Variants in PHF21A observed in about 807,000 individuals in gnomAD.
The protein encoded by PHF21A is PHD finger protein 21A.
Under a neutral mutation model 82.5 loss-of-function variants are expected in PHF21A, and 11 were observed. That is an observed-to-expected ratio of 0.13 (90% CI 0.08 to 0.22). PHF21A has a LOEUF of 0.22. Among genes scored for constraint, PHF21A ranks in the 10% least tolerant of loss-of-function variants. The pLI is 1.00. For synonymous variants in PHF21A, 297 were observed against 302.8 expected (o/e 0.98, Z 0.20); for missense variants, 579 against 837.8 (o/e 0.69, Z 3.81).
intron 6 of PHF21A, among the ~76,000 whole-genome samples, chr11:46,059,884 G>A (rs368990908): frequency 5.3e-5 from 8 of 151,968 alleles, no homozygotes; most frequent in East Asian, 1.9e-4. Flanking sequence ...CCACCACCAC[G>A]CCCAGCTGAT....
intron 6 of PHF21A, among the ~76,000 whole-genome samples, chr11:46,022,917 A>C (rs548757591): frequency 9.2e-5 from 14 of 151,960 alleles, no homozygotes; most frequent in Admixed American, 4.6e-4. Context: ...CACTTGGGTA[A>C]TTTTTGTATT....
At chr11:46,035,808 T>A (rs1355676145) in intron 6 of PHF21A, among the ~76,000 whole-genome samples, 1 of 151,910 alleles carries the variant, frequency 6.6e-6, no homozygotes, top group Non-Finnish European at 1.5e-5. Flanking sequence ...AAGTTAGAGT[T>A]TGAAGAAAGA....
At chr11:46,073,356 GATTAGAGTGGTTC>G (rs2096679302) in intron 6 of PHF21A, among the ~76,000 whole-genome samples, 1 of 151,454 alleles carries the variant, frequency 6.6e-6, no homozygotes, top group Non-Finnish European at 1.5e-5. Context: ...TGGATTCTCT[GATTAGAGTGGTTC>G]ATATATTTAA....
At chr11:46,044,611 C>A (rs551391523) in intron 6 of PHF21A, among the ~76,000 whole-genome samples, 1 of 152,156 alleles carries the variant, frequency 6.6e-6, no homozygotes, top group African/African-American at 2.4e-5. Flanking sequence ...GCTTCTGCAA[C>A]GGTTATCCAA....
chr11:46,084,278 T>G lies in PHF21A; in HGVS notation c.-59A>C. 7.7e-7 allele frequency: 1 copy of G among 1,306,656 alleles called. No homozygotes were observed. The highest frequency in any genetic ancestry group is 1.1e-6 in the Non-Finnish European group (1 of 927,970). 80.9% of individuals were successfully genotyped at this position (1,306,656 alleles called of 1,614,324 possible). ...TAGTTTCTTCAGCCTCTGTTTAAAG[T>G]AACAAACTCCTCTTCTCACTGCAGC... On this transcript the variant is annotated 5_prime_UTR_variant, in exon 4 of 19. Transcript: ENST00000676320.
At chr11:46,097,413 C>T (rs913330338) in intron 1 of PHF21A, among the ~76,000 whole-genome samples, 1 of 152,172 alleles carries the variant, frequency 6.6e-6, no homozygotes, top group Admixed American at 6.5e-5. Context: ...TTCAGACCCT[C>T]CAGGCAAGTT....
chr11:45,974,090 T>C (rs374156740), intron 7 of PHF21A, among the ~76,000 whole-genome samples: 21 of 152,206 alleles, frequency 1.4e-4, no homozygotes, highest in African/African-American at 4.8e-4. Flanking sequence ...TTTACAACTA[T>C]GGTTATGGCT....
intron 6 of PHF21A, among the ~76,000 whole-genome samples, chr11:46,022,625 G>A (rs2095653480): frequency 6.6e-6 from 1 of 152,086 alleles, no homozygotes; most frequent in Non-Finnish European, 1.5e-5. Flanking sequence ...CCATGCCAGT[G>A]TAGTTTAATA....
intron 6 of PHF21A, among the ~76,000 whole-genome samples, chr11:45,995,745 T>C (rs1278923637): frequency 6.6e-6 from 1 of 152,176 alleles, no homozygotes; most frequent in African/African-American, 2.4e-5. Flanking sequence ...GCAGCTCTGT[T>C]ACTTATTGGC....
At chr11:45,965,738 T>G (rs1268328077) in intron 9 of PHF21A, 130 bp from the exon 10 acceptor site, 1 of 717,294 alleles carries the variant, frequency 1.4e-6, no homozygotes. Flanking sequence ...GTACATTAAT[T>G]CTATAGACCT....
At chr11:45,954,984 C>G (rs1185217685) in intron 10 of PHF21A, among the ~76,000 whole-genome samples, 1 of 152,198 alleles carries the variant, frequency 6.6e-6, no homozygotes, top group African/African-American at 2.4e-5. Context: ...TATTTTCCTT[C>G]TGCTTTTATA....
At chr11:45,988,820 G>A (rs983439877) in intron 6 of PHF21A, among the ~76,000 whole-genome samples, 14 of 152,270 alleles carry the variant, frequency 9.2e-5, no homozygotes, top group Non-Finnish European at 1.6e-4. Context: ...GAACTCAGGA[G>A]GTGGAGGTTG....
intron 6 of PHF21A, among the ~76,000 whole-genome samples, chr11:46,040,229 G>A (rs1472817647): frequency 6.6e-6 from 1 of 152,156 alleles, no homozygotes; most frequent in East Asian, 1.9e-4. Context: ...AGGAAACAGA[G>A]TTTCATTAAA....
intron 1 of PHF21A, chr11:46,120,277 A>C (rs904369485): frequency 4.6e-5 from 7 of 151,426 alleles, no homozygotes; most frequent in Middle Eastern, 3.4e-3. Flanking sequence ...AATCATAATA[A>C]AAACTTCCCC....
intron 6 of PHF21A, among the ~76,000 whole-genome samples, chr11:46,030,027 C>T (rs972481980): frequency 3.3e-5 from 5 of 152,164 alleles, no homozygotes; most frequent in African/African-American, 4.8e-5. Context: ...AAGTGTATTA[C>T]GCTCTGTACA....
At chr11:45,953,859 C>T (rs544372949) in intron 10 of PHF21A, among the ~76,000 whole-genome samples, 6 of 152,132 alleles carry the variant, frequency 3.9e-5, no homozygotes, top group South Asian at 4.1e-4. Context: ...TCTATAAATA[C>T]GAGTCTAAAT....
chr11:46,084,253 T>G lies in PHF21A; in HGVS notation c.-34A>C, dbSNP rs1401595681. The G allele has an allele frequency of 6.4e-7, 1 of 1,553,672 alleles. No individual in the cohort carries two copies. Among genetic ancestry groups the G allele is most frequent in the Non-Finnish European group, 8.8e-7 (1 of 1,140,648 alleles). On this transcript the variant is annotated 5_prime_UTR_variant, in exon 4 of 19. Transcript: ENST00000676320. ...TTCTCCACTTTCTCTGCTAATTCTATAGTTTCTTCAGCCTCTGTTTAAAGT... is the reference window on the plus strand; with the variant it reads ...TTCTCCACTTTCTCTGCTAATTCTAGAGTTTCTTCAGCCTCTGTTTAAAGT...
At chr11:46,076,719 C>G (rs372866292) in intron 6 of PHF21A, 35 bp downstream of exon 6, 2 of 1,548,696 alleles carry the variant, frequency 1.3e-6, no homozygotes, top group African/African-American at 2.7e-5. Flanking sequence ...TAGAACACAA[C>G]GTTAAAAATA....
intron 6 of PHF21A, among the ~76,000 whole-genome samples, chr11:46,051,952 G>A (rs978278382): frequency 6.6e-6 from 1 of 152,156 alleles, no homozygotes; most frequent in African/African-American, 2.4e-5. Flanking sequence ...TCCCCCATAT[G>A]TGTTTCAAAC....
Sources: gnomAD v4.1 joint callset for allele counts (sites outside exome capture counted in the v4.1 genomes callset) on GRCh38, gnomAD v4.1.1 for gene constraint, MANE v1.5 for transcripts, NCBI Gene and HGNC (gene_info 2026-07-23, HGNC 2026-07-21) for gene names.